GALNT13: variants seen among roughly 807,000 people sequenced by gnomAD.
GALNT13 encodes UDP-GalNAc:polypeptide N-acetylgalactosaminyltransferase 13.
GALNT13 carries 28 observed loss-of-function variants against 64.2 expected under a neutral mutation model. The observed-to-expected ratio is 0.44, with a 90% CI of 0.32 to 0.60. The LOEUF (loss-of-function observed/expected upper bound fraction) is 0.60. Ranked by LOEUF, GALNT13 falls within the 20% of genes least tolerant of loss-of-function variation. The pLI is 0.05. For missense variants in GALNT13, 577 were observed against 669.8 expected, an observed-to-expected ratio of 0.86 and a Z score of 1.53; for synonymous variants, 214 against 224.6, an observed-to-expected ratio of 0.95 and a Z score of 0.42.
chr2:153,441,733 A>ACTTG, the GALNT13 span, among the ~76,000 whole-genome samples: 1 of 152,124 alleles, frequency 6.6e-6, no homozygotes, highest in African/African-American at 2.4e-5. Flanking sequence ...TTCACTCATG[A>ACTTG]CTTGACTCTC....
chr2:154,405,365 A>G (rs560760917), intron 10 of GALNT13, among the ~76,000 whole-genome samples: 5 of 152,224 alleles, frequency 3.3e-5, no homozygotes, highest in South Asian at 4.1e-4. Flanking sequence ...AAATTGTTCA[A>G]TTGAAAGTGA....
chr2:153,575,316 C>T, the GALNT13 span, among the ~76,000 whole-genome samples: 1 of 152,292 alleles, frequency 6.6e-6, no homozygotes, highest in East Asian at 1.9e-4. Context: ...TGAGTTAGAC[C>T]TATAGCCAGC....
At chr2:153,423,038 A>G in the GALNT13 span, among the ~76,000 whole-genome samples, 8 of 152,104 alleles carry the variant, frequency 5.3e-5, no homozygotes, top group African/African-American at 1.9e-4. Flanking sequence ...CTATACTTTG[A>G]TAAAATCTGT....
the GALNT13 span, among the ~76,000 whole-genome samples, chr2:153,611,356 C>T: frequency 3.9e-5 from 6 of 151,986 alleles, no homozygotes; most frequent in African/African-American, 7.2e-5. Context: ...CCCCCCCGTC[C>T]GCCTTTTTTT....
At chr2:153,912,756 C>CTAA (rs1188847686) in intron 2 of GALNT13, among the ~76,000 whole-genome samples, 14 of 152,202 alleles carry the variant, frequency 9.2e-5, no homozygotes, top group African/African-American at 3.1e-4. Flanking sequence ...GTTTTCTGGC[C>CTAA]CCTCATGGTT....
intron 4 of GALNT13, among the ~76,000 whole-genome samples, chr2:154,166,791 G>A (rs1254833850): frequency 6.6e-6 from 1 of 152,212 alleles, no homozygotes; most frequent in South Asian, 2.1e-4. Context: ...GGAATATTAT[G>A]CAGCCATAAA....
In GALNT13 at chr2:154,242,093, T is replaced by G. The variant is rs1455330194; in HGVS notation, c.375T>G (p.Asn125Lys). Residue 125 changes from asparagine to lysine, a missense_variant, in exon 5 of 13, where the codon AAT (asparagine) becomes AAG (lysine). Transcript: ENST00000392825. ...CAAGTGTAGTCATTGTGTTTCATAATGAAGCTTGGAGCACTCTCCTTAGAA... is the reference window on the plus strand; with the variant it reads ...CAAGTGTAGTCATTGTGTTTCATAAGGAAGCTTGGAGCACTCTCCTTAGAA... Reference protein sequence around the residue: ...PNTSVVIVFHNEAWSTLLRTV... With the variant: ...PNTSVVIVFHKEAWSTLLRTV... 6.2e-7 allele frequency: 1 copy of G among 1,612,470 alleles called. No homozygotes were observed. Among genetic ancestry groups the G allele is most frequent in the Admixed American group, 1.7e-5 (1 of 59,956 alleles).
At chr2:153,577,333 C>T in the GALNT13 span, among the ~76,000 whole-genome samples, 1 of 152,088 alleles carries the variant, frequency 6.6e-6, no homozygotes, top group Non-Finnish European at 1.5e-5. Context: ...CTAGGAGTGT[C>T]AGAGTATTGT....
intron 3 of GALNT13, among the ~76,000 whole-genome samples, chr2:154,054,371 C>T (rs989847789): frequency 1.3e-5 from 2 of 151,924 alleles, no homozygotes; most frequent in African/African-American, 4.8e-5. Flanking sequence ...TATGAACTGA[C>T]ATTCTTTTCC....
the GALNT13 span, among the ~76,000 whole-genome samples, chr2:153,133,259 A>G: frequency 6.6e-6 from 1 of 152,004 alleles, no homozygotes; most frequent in South Asian, 2.1e-4. Flanking sequence ...GCTGTTTTTA[A>G]TGGAACATGT....
chr2:153,591,552 C>A, the GALNT13 span, among the ~76,000 whole-genome samples: 1 of 152,116 alleles, frequency 6.6e-6, no homozygotes, highest in East Asian at 1.9e-4. Flanking sequence ...AGTTAGATTA[C>A]AAAGCTACAG....
At chr2:154,218,148 T>C (rs1162742684) in intron 4 of GALNT13, among the ~76,000 whole-genome samples, 1 of 152,106 alleles carries the variant, frequency 6.6e-6, no homozygotes, top group African/African-American at 2.4e-5. Context: ...TGTAGTTAAG[T>C]GAACCCAGAG....
chr2:154,446,426 C>T (rs1701578948), intron 12 of GALNT13: 2 of 842,194 alleles, frequency 2.4e-6, no homozygotes, highest in Non-Finnish European at 3.3e-6. Context: ...AAAAATGTGG[C>T]TCACAGCTCC....
At chr2:154,289,438 C>A (rs1057369176) in intron 8 of GALNT13, among the ~76,000 whole-genome samples, 5 of 152,172 alleles carry the variant, frequency 3.3e-5, no homozygotes, top group African/African-American at 9.7e-5. Flanking sequence ...GGAGGCCTCA[C>A]AAAATGGCAG....
At chr2:154,071,130 G>T (rs1700720433) in intron 3 of GALNT13, among the ~76,000 whole-genome samples, 1 of 152,038 alleles carries the variant, frequency 6.6e-6, no homozygotes, top group African/African-American at 2.4e-5. Flanking sequence ...AAATAATATT[G>T]AAAGTTTCAA....
chr2:153,706,469 T>C, the GALNT13 span, among the ~76,000 whole-genome samples: 38 of 152,226 alleles, frequency 2.5e-4, no homozygotes, highest in Non-Finnish European at 4.3e-4. Flanking sequence ...TATTAGATAA[T>C]TTAAATTTAT....
At chr2:153,114,131 G>A in the GALNT13 span, among the ~76,000 whole-genome samples, 46 of 152,146 alleles carry the variant, frequency 3.0e-4, 1 homozygote, top group South Asian at 7.5e-3. Flanking sequence ...GGACCTGATG[G>A]CTACATTGCC....
chr2:153,777,995 G>A, the GALNT13 span, among the ~76,000 whole-genome samples: 1 of 152,290 alleles, frequency 6.6e-6, no homozygotes, highest in African/African-American at 2.4e-5. Context: ...CTCAGCAGAT[G>A]GGAGAGCCAG....
chr2:153,602,167 T>TG, the GALNT13 span, among the ~76,000 whole-genome samples: 1 of 151,908 alleles, frequency 6.6e-6, no homozygotes, highest in African/African-American at 2.4e-5. Flanking sequence ...AGAGTTCACA[T>TG]GGATCATGCT....
Sources: allele counts gnomAD v4.1 joint callset (sites outside exome capture counted in the v4.1 genomes callset), GRCh38; gene constraint gnomAD v4.1.1; transcripts MANE v1.5; gene names NCBI Gene and HGNC (gene_info 2026-07-23, HGNC 2026-07-21).